Variants in RAP1GDS1 observed in about 807,000 individuals in gnomAD.
RAP1GDS1 encodes Rap1 GTPase-GDP dissociation stimulator 1, also known as RAP1, GTP-GDP dissociation stimulator 1.
A neutral mutation model predicts 71.1 loss-of-function variants in RAP1GDS1; 35 were observed. That is an observed-to-expected ratio of 0.49 (90% confidence interval 0.38 to 0.65). The LOEUF (loss-of-function observed/expected upper bound fraction) is 0.65, where lower values mean the gene tolerates loss of function less well. Ranked by LOEUF, RAP1GDS1 falls within the 30% of genes least tolerant of loss-of-function variation. The pLI, the probability that RAP1GDS1 is intolerant of heterozygous loss-of-function variation, is 0.00. For synonymous variants in RAP1GDS1, 229 were observed against 243.1 expected (o/e 0.94, Z 0.54); for missense variants, 663 against 706.1 (o/e 0.94, Z 0.69).
chr4:98,426,140 A>G (rs1749576038), intron 12 of RAP1GDS1, among the ~76,000 whole-genome samples: 1 of 152,156 alleles, frequency 6.6e-6, no homozygotes. Flanking sequence ...GGTCAATAAC[A>G]AAATCAAGAT....
In RAP1GDS1 at chr4:98,334,917, C is replaced by CAA. The variant is rs1324052277; in HGVS notation, c.113-8206_113-8205dup. ...GGAAAATCAGCAGAATCAAAGTAAG[C>CAA]AAAAAAAAAAAAAAAAAGAGATGGG... On this transcript the variant is annotated intron_variant, in intron 2 of 14. Coordinates refer to ENST00000408927, the MANE Select transcript of RAP1GDS1 (RefSeq NM_001100427.2). Among the ~76,000 whole-genome samples the CAA allele has an allele frequency of 2.1e-3, 138 of 66,252 alleles. 2 individuals carry two copies. The highest frequency in any genetic ancestry group is 5.4e-3 in the African/African-American group (108 of 19,992). 43.5% of individuals were successfully genotyped at this position (66,252 alleles called of 152,430 possible).
chr4:98,381,087 A>G (rs1741938618), intron 5 of RAP1GDS1, among the ~76,000 whole-genome samples: 1 of 151,672 alleles, frequency 6.6e-6, no homozygotes. Context: ...TGTATAATAT[A>G]TATATTTTTT....
chr4:98,317,683 G>GAACC (rs1284880039), intron 2 of RAP1GDS1, among the ~76,000 whole-genome samples: 1 of 152,108 alleles, frequency 6.6e-6, no homozygotes, highest in East Asian at 1.9e-4. Context: ...AGCTATCATG[G>GAACC]AACCTTAAGT....
At chr4:98,429,292 G>A (rs538742902) in intron 12 of RAP1GDS1, among the ~76,000 whole-genome samples, 6 of 150,128 alleles carry the variant, frequency 4.0e-5, no homozygotes, top group Admixed American at 6.6e-5. Context: ...ACTATGATGT[G>A]TATATATATA....
chr4:98,345,997 G>A (rs1002499383), intron 3 of RAP1GDS1, among the ~76,000 whole-genome samples: 2 of 152,140 alleles, frequency 1.3e-5, no homozygotes, highest in Non-Finnish European at 2.9e-5. Flanking sequence ...CCTTTGACCT[G>A]TAGCAGCAAC....
Position 98,379,069 on chromosome 4 carries a change from C to A in RAP1GDS1, c.414C>A (p.Asp138Glu). 3 of 1,608,864 alleles carry A rather than the reference C, an allele frequency of 1.9e-6. No individual in the cohort carries two copies. Among genetic ancestry groups the A allele is most frequent in the Non-Finnish European group, 2.5e-6 (3 of 1,177,280 alleles). Reference sequence around the variant, plus strand: ...CAGGTGGTGCACAGATTGTAATTGACCATTTAAGGTCACTGTGCAGTATAA... The same window carrying A: ...CAGGTGGTGCACAGATTGTAATTGAACATTTAAGGTCACTGTGCAGTATAA... ...DQAGGAQIVI[D>E]HLRSLCSITD... Residue 138 changes from aspartate to glutamate, a missense_variant, in exon 5 of 15, where the codon GAC becomes GAA. Transcript: ENST00000408927.
At chr4:98,377,361 C>T (rs1019148522) in intron 4 of RAP1GDS1, among the ~76,000 whole-genome samples, 2 of 151,734 alleles carry the variant, frequency 1.3e-5, no homozygotes, top group African/African-American at 4.8e-5. Context: ...TAATTTACAT[C>T]TATGTTATGG....
intron 4 of RAP1GDS1, among the ~76,000 whole-genome samples, chr4:98,376,797 T>A (rs1046741417): frequency 6.6e-6 from 1 of 151,946 alleles, no homozygotes; most frequent in African/African-American, 2.4e-5. Flanking sequence ...TGCAAACAAT[T>A]CTCAATAACA....
At chr4:98,340,162 A>G (rs1475414754) in intron 2 of RAP1GDS1, among the ~76,000 whole-genome samples, 2 of 152,228 alleles carry the variant, frequency 1.3e-5, no homozygotes, top group African/African-American at 4.8e-5. Flanking sequence ...ATTCTACCCA[A>G]CAATTGTATT....
intron 4 of RAP1GDS1, among the ~76,000 whole-genome samples, chr4:98,358,424 G>T (rs1354864297): frequency 6.6e-6 from 1 of 151,926 alleles, no homozygotes; most frequent in Non-Finnish European, 1.5e-5. Flanking sequence ...TTTTTTGGTG[G>T]TTAAACTTGC....
intron 3 of RAP1GDS1, among the ~76,000 whole-genome samples, chr4:98,349,817 C>G (rs1463822958): frequency 6.6e-6 from 1 of 151,666 alleles, no homozygotes; most frequent in Non-Finnish European, 1.5e-5. Context: ...ACATTTTAAA[C>G]AGATTCTTAA....
intron 1 of RAP1GDS1, among the ~76,000 whole-genome samples, chr4:98,292,127 T>C (rs1201893751): frequency 6.6e-6 from 1 of 150,952 alleles, no homozygotes; most frequent in Non-Finnish European, 1.5e-5. Flanking sequence ...TTTTTTTTTT[T>C]TCCTTTTTTT....
In RAP1GDS1 at chr4:98,275,828, C is replaced by T. The variant is rs1273734608; in HGVS notation, c.4+14259C>T. On this transcript the variant is annotated intron_variant, in intron 1 of 14. Coordinates refer to ENST00000408927, the MANE Select transcript of RAP1GDS1 (RefSeq NM_001100427.2). ...GGTTCCCTAAGTTTTAGCAACTCTA[C>T]TACTTTGAATTAAACCTCCCACCTC... Among the ~76,000 whole-genome samples, 75 of 152,116 alleles carry T rather than the reference C, an allele frequency of 4.9e-4. 1 individual carries two copies. Among genetic ancestry groups the T allele is most frequent in the Non-Finnish European group, 2.9e-5 (2 of 68,026 alleles).
chr4:98,419,642 T>C (rs966048478), intron 10 of RAP1GDS1, among the ~76,000 whole-genome samples: 2 of 152,228 alleles, frequency 1.3e-5, no homozygotes, highest in South Asian at 2.1e-4. Flanking sequence ...GATAGTAACA[T>C]TTATTAATGT....
At chr4:98,319,795 A>G (rs1731511723) in intron 2 of RAP1GDS1, among the ~76,000 whole-genome samples, 1 of 151,584 alleles carries the variant, frequency 6.6e-6, no homozygotes, top group Non-Finnish European at 1.5e-5. Context: ...AAAAAAAAAA[A>G]AAAAGAGAGA....
At chr4:98,377,127 A>C (rs1047214361) in intron 4 of RAP1GDS1, among the ~76,000 whole-genome samples, 1 of 151,926 alleles carries the variant, frequency 6.6e-6, no homozygotes, top group East Asian at 1.9e-4. Context: ...TAGTTTAGCT[A>C]TTCTCTAAGA....
At chr4:98,387,499 T>C in intron 5 of RAP1GDS1, 1 of 455,912 alleles carries the variant, frequency 2.2e-6, no homozygotes, top group Middle Eastern at 3.3e-4. Flanking sequence ...GAAATTCAAA[T>C]GTAGGTAGGT....
intron 4 of RAP1GDS1, among the ~76,000 whole-genome samples, chr4:98,363,567 A>G (rs1018210717): frequency 6.6e-6 from 1 of 151,782 alleles, no homozygotes; most frequent in Non-Finnish European, 1.5e-5. Flanking sequence ...AAAGGAAACC[A>G]GGTTATGCAA....
chr4:98,401,132 A>G (rs1267550153), intron 6 of RAP1GDS1, among the ~76,000 whole-genome samples: 2 of 152,206 alleles, frequency 1.3e-5, no homozygotes, highest in South Asian at 2.1e-4. Context: ...GAAGCAACCA[A>G]TCCAGGTTGG....
Sources: allele counts gnomAD v4.1 joint callset (sites outside exome capture counted in the v4.1 genomes callset), GRCh38; gene constraint gnomAD v4.1.1; transcripts MANE v1.5; gene names NCBI Gene and HGNC (gene_info 2026-07-23, HGNC 2026-07-21).